ERC2: variants seen among roughly 807,000 people sequenced by gnomAD.
ERC2 encodes ELKS/RAB6-interacting/CAST family member 2.
In ERC2, 42 loss-of-function variants were observed where a neutral mutation model predicts 114.8. The observed-to-expected ratio is 0.37, with a 90% CI of 0.29 to 0.47. ERC2 has a LOEUF of 0.47. Among genes scored for constraint, ERC2 ranks in the 20% least tolerant of loss-of-function variants. ERC2 has a pLI of 0.99. For missense variants in ERC2, 939 were observed against 1,150.7 expected, an observed-to-expected ratio of 0.82 and a Z score of 2.66; for synonymous variants, 454 against 425.5, an observed-to-expected ratio of 1.07 and a Z score of -0.82.
chr3:56,004,814 T>A (rs1344801699), intron 10 of ERC2, among the ~76,000 whole-genome samples: 3 of 152,052 alleles, frequency 2.0e-5, no homozygotes, highest in Non-Finnish European at 4.4e-5. Context: ...AACTTTTATA[T>A]TTAATTCACA....
At chr3:56,247,221 A>T (rs1220291665) in intron 3 of ERC2, among the ~76,000 whole-genome samples, 1 of 152,118 alleles carries the variant, frequency 6.6e-6, no homozygotes. Flanking sequence ...ATTTCAACTA[A>T]GCGGGGGGTG....
intron 14 of ERC2, among the ~76,000 whole-genome samples, chr3:55,864,130 T>C (rs573081868): frequency 8.5e-4 from 96 of 113,348 alleles, no homozygotes; most frequent in East Asian, 2.6e-3. Context: ...CACACACACA[T>C]ATATATATAC....
intron 4 of ERC2, among the ~76,000 whole-genome samples, chr3:56,170,423 A>C (rs569957981): frequency 1.3e-5 from 2 of 152,286 alleles, no homozygotes; most frequent in South Asian, 4.1e-4. Flanking sequence ...GCTTGAATTT[A>C]GGCAAGATTT....
At chr3:55,932,756 G>C (rs1462773056) in intron 13 of ERC2, among the ~76,000 whole-genome samples, 1 of 152,152 alleles carries the variant, frequency 6.6e-6, no homozygotes, top group Non-Finnish European at 1.5e-5. Flanking sequence ...AGATGACTCT[G>C]ATGACTGAGC....
At chr3:56,282,045 C>T (rs2054383021) in intron 3 of ERC2, among the ~76,000 whole-genome samples, 1 of 152,176 alleles carries the variant, frequency 6.6e-6, no homozygotes, top group Admixed American at 6.5e-5. Context: ...TTTGCTGAGC[C>T]AAGCCTGTGC....
chr3:55,554,637 GACAAAACAAAGA>G (rs1265071352), intron 17 of ERC2, among the ~76,000 whole-genome samples: 2 of 152,188 alleles, frequency 1.3e-5, no homozygotes, highest in African/African-American at 4.8e-5. Flanking sequence ...CTTCCTTAAT[GACAAAACAAAGA>G]CATTTGCAAA....
chr3:55,521,771 A>G (rs1438199678), intron 17 of ERC2, among the ~76,000 whole-genome samples: 2 of 152,228 alleles, frequency 1.3e-5, no homozygotes, highest in East Asian at 3.9e-4. Context: ...AGGAAAAGTA[A>G]GCTGCAAAGA....
At chr3:55,844,651 G>T (rs949524644) in intron 14 of ERC2, among the ~76,000 whole-genome samples, 8 of 152,166 alleles carry the variant, frequency 5.3e-5, no homozygotes, top group Non-Finnish European at 5.9e-5. Flanking sequence ...CAAAGGTGAA[G>T]TCATATGATT....
chr3:56,223,698 G>A (rs1335965073), intron 3 of ERC2, among the ~76,000 whole-genome samples: 1 of 152,082 alleles, frequency 6.6e-6, no homozygotes, highest in Non-Finnish European at 1.5e-5. Flanking sequence ...ACTCTCTGTA[G>A]TGACTAATTA....
chr3:56,168,482 G>A (rs1299220099), intron 4 of ERC2, among the ~76,000 whole-genome samples: 2 of 152,150 alleles, frequency 1.3e-5, no homozygotes, highest in Non-Finnish European at 2.9e-5. Context: ...AACCTAGGTA[G>A]GCCCTACAGT....
At chr3:55,831,772 G>A (rs1410198871) in intron 14 of ERC2, among the ~76,000 whole-genome samples, 4 of 152,182 alleles carry the variant, frequency 2.6e-5, no homozygotes, top group African/African-American at 7.2e-5. Context: ...TGGGTACAAC[G>A]CACCGTGTGT....
In ERC2 at chr3:55,511,007, C is replaced by T. The variant is rs2052031034; in HGVS notation, c.*309G>A. 2 of 152,366 alleles carry T rather than the reference C, an allele frequency of 1.3e-5. No homozygotes were observed. The highest frequency in any genetic ancestry group is 2.4e-5 in the African/African-American group (1 of 41,414). The allele number at this position is 152,366 out of a possible 1,614,324, so 9.4% of individuals were successfully genotyped here. On this transcript the variant is annotated 3_prime_UTR_variant, in exon 18 of 18. Transcript: ENST00000288221. ...CAAAGATGATCACATTCAAAATGCC[C>T]GCATCCCAACAAAAATGGAGGATCT...
chr3:56,449,095 G>A (rs1392826362), intron 1 of ERC2, among the ~76,000 whole-genome samples: 1 of 142,620 alleles, frequency 7.0e-6, no homozygotes, highest in Non-Finnish European at 1.5e-5. Context: ...AAAAAAAAGT[G>A]GTAGTTGGAT....
intron 1 of ERC2, among the ~76,000 whole-genome samples, chr3:56,465,762 A>G (rs2063516941): frequency 6.6e-6 from 1 of 152,278 alleles, no homozygotes; most frequent in African/African-American, 2.4e-5. Flanking sequence ...TACTGGAAAT[A>G]TATAATAAAC....
chr3:55,680,280 A>C (rs144927890), intron 17 of ERC2, among the ~76,000 whole-genome samples: 176 of 152,328 alleles, frequency 1.2e-3, no homozygotes, highest in African/African-American at 4.2e-3. Flanking sequence ...AGAAATAAAA[A>C]CTTGTGTTCT....
At chr3:56,445,575 A>C (rs1171947037) in intron 1 of ERC2, among the ~76,000 whole-genome samples, 1 of 151,836 alleles carries the variant, frequency 6.6e-6, no homozygotes, top group Non-Finnish European at 1.5e-5. Context: ...CCCACTTAAA[A>C]CCCTTTTAAA....
At chr3:56,121,431 T>A (rs1398574822) in intron 6 of ERC2, among the ~76,000 whole-genome samples, 3 of 152,226 alleles carry the variant, frequency 2.0e-5, no homozygotes, top group African/African-American at 7.2e-5. Context: ...AAAACAAAGA[T>A]GTATTATTTC....
chr3:55,549,034 C>T (rs990923934), intron 17 of ERC2, among the ~76,000 whole-genome samples: 2 of 152,306 alleles, frequency 1.3e-5, no homozygotes, highest in East Asian at 3.9e-4. Context: ...AAACAAAATG[C>T]ATCTGTTGAT....
chr3:56,297,053 A>G (rs1197788780), intron 2 of ERC2, among the ~76,000 whole-genome samples: 2 of 152,192 alleles, frequency 1.3e-5, no homozygotes, highest in African/African-American at 4.8e-5. Flanking sequence ...CACAGAGCAG[A>G]ACAAACAAGC....
Sources: allele counts gnomAD v4.1 joint callset (sites outside exome capture counted in the v4.1 genomes callset), GRCh38; gene constraint gnomAD v4.1.1; transcripts MANE v1.5; gene names NCBI Gene and HGNC (gene_info 2026-07-23, HGNC 2026-07-21).